PRR15L: variants seen among roughly 807,000 people sequenced by gnomAD.
The protein encoded by PRR15L is proline rich 15 like, also known as proline-rich protein 15-like protein.
Under a neutral mutation model 3.7 loss-of-function variants are expected in PRR15L, and 1 was observed. That is an observed-to-expected ratio of 0.27 (90% CI 0.09 to 1.27). The LOEUF (loss-of-function observed/expected upper bound fraction) is 1.27, where lower values mean the gene tolerates loss of function less well. Ranked by LOEUF, PRR15L falls within the 50% of genes most tolerant of loss-of-function variation. PRR15L has a pLI of 0.47. For synonymous variants in PRR15L, 57 were observed against 51.9 expected (o/e 1.10, Z -0.42); for missense variants, 127 against 128.7 (o/e 0.99, Z 0.06).
chr17:47,957,504 C>T (rs2036142838), intron 1 of PRR15L, among the ~76,000 whole-genome samples, 153 bp downstream of exon 1: 1 of 152,214 alleles, frequency 6.6e-6, no homozygotes, highest in Non-Finnish European at 1.5e-5. Context: ...TGGATTGACT[C>T]CAAGAGGCCA....
rs965942436 is a variant in PRR15L at position 47,952,903 on chromosome 17, C to A, written c.*20G>T. On this transcript the variant is annotated 3_prime_UTR_variant, in exon 2 of 2. Transcript: ENST00000300557. ...GCTGATGGCAGGGAGCCAAGAGGTG[C>A]TAGCACCCTCCTCAGCCCTTCACTT... is the stretch of plus-strand genomic sequence containing the variant. The A allele has an allele frequency of 1.3e-6, 2 of 1,599,906 alleles. No individual in the cohort carries two copies. Among genetic ancestry groups the A allele is most frequent in the South Asian group, 1.1e-5 (1 of 88,934 alleles).
chr17:47,957,440 C>T (rs941421864), intron 1 of PRR15L, among the ~76,000 whole-genome samples: 1 of 152,190 alleles, frequency 6.6e-6, no homozygotes, highest in Non-Finnish European at 1.5e-5. Flanking sequence ...AGGGTGGGCT[C>T]CAGTTCAGCA....
chr17:47,957,090 G>A (rs1006153302), intron 1 of PRR15L, among the ~76,000 whole-genome samples: 51 of 152,256 alleles, frequency 3.3e-4, no homozygotes, highest in Admixed American at 2.9e-3. Flanking sequence ...GGTGGCCAGC[G>A]CTATAGCATG....
chr17:47,956,223 G>A (rs1450899589), intron 1 of PRR15L, among the ~76,000 whole-genome samples: 1 of 152,224 alleles, frequency 6.6e-6, no homozygotes, highest in Non-Finnish European at 1.5e-5. Context: ...AGCACTTTGG[G>A]AGGCTGAGGC....
At chr17:47,955,054 C>T (rs990710883) in intron 1 of PRR15L, among the ~76,000 whole-genome samples, 5 of 151,978 alleles carry the variant, frequency 3.3e-5, no homozygotes, top group African/African-American at 4.8e-5. Context: ...TTCAGCCTCC[C>T]GAGGAGCTGG....
chr17:47,955,846 G>A (rs1211392194), intron 1 of PRR15L, among the ~76,000 whole-genome samples: 1 of 152,186 alleles, frequency 6.6e-6, no homozygotes, highest in Non-Finnish European at 1.5e-5. Flanking sequence ...CCCCACCACT[G>A]CCCATTTGGG....
At chr17:47,953,294 G>A (rs1408777003) in intron 1 of PRR15L, 31 bp from the exon 2 acceptor site, 3 of 1,395,544 alleles carry the variant, frequency 2.1e-6, no homozygotes, top group Non-Finnish European at 2.9e-6. Context: ...AGACAAAGGG[G>A]TCAGTGGGAA....
chr17:47,953,155 G>C lies in PRR15L; in HGVS notation c.80C>G (p.Pro27Arg). Residue 27 changes from proline to arginine, a missense_variant, in exon 2 of 2, where the codon CCT becomes CGT. Pro to Arg is a moderately radical substitution (Grantham distance 103). Coordinates refer to ENST00000300557, the MANE Select transcript of PRR15L (RefSeq NM_024320.4). ...TCCCTCTGTTTGGGCATAGGTGTCA[G>C]GGATCTCATACAGCACTTTGGGAGT... is the stretch of plus-strand genomic sequence containing the variant. ...KSTPKVLYEI[P>R]DTYAQTEGDA... is the part of the protein sequence containing the mutation. 2.5e-6 allele frequency: 4 copies of C among 1,613,876 alleles called. No individual in the cohort carries two copies. Among genetic ancestry groups the C allele is most frequent in the Non-Finnish European group, 3.4e-6 (4 of 1,179,896 alleles).
At position 47,952,923 on chromosome 17, in the gene PRR15L, T is replaced by G; in HGVS notation, c.312A>C (p.Ter104CysextTer18). Residue 104 changes from the stop codon to cysteine, a stop_lost, in exon 2 of 2, where the codon TGA (stop) becomes TGC (cysteine). Transcript: ENST00000300557. ...AGGTGCTAGCACCCTCCTCAGCCCT[T>G]CACTTTGATGACCGTCCTTCCTCGT... The part of the protein sequence containing the change: ...DDHEEGRSSK[*>C] 1.2e-6 allele frequency: 2 copies of G among 1,611,806 alleles called. No homozygotes were observed. The highest frequency in any genetic ancestry group is 1.7e-6 in the Non-Finnish European group (2 of 1,178,744).
intron 1 of PRR15L, among the ~76,000 whole-genome samples, chr17:47,954,962 G>A (rs1463947460): frequency 4.1e-5 from 2 of 49,056 alleles, no homozygotes; most frequent in South Asian, 2.4e-3. Context: ...ACAGAGTCTT[G>A]CTTATTGCCC....
Position 47,952,840 on chromosome 17 carries a change from CA to C in PRR15L, c.*82del. The stretch of plus-strand genomic sequence containing the variant: ...CTGGCCCCACAGCTTCAGCTATGGC[CA>C]AAGAGGCCAGCGTGGCAAGGTCCTG... On this transcript the variant is annotated 3_prime_UTR_variant, in exon 2 of 2. Transcript: ENST00000300557. The C allele has an allele frequency of 7.1e-7, 1 of 1,412,020 alleles. No homozygotes were observed. Among genetic ancestry groups the C allele is most frequent in the Non-Finnish European group, 9.5e-7 (1 of 1,048,952 alleles). 87.5% of individuals were successfully genotyped at this position (1,412,020 alleles called of 1,614,324 possible).
At chr17:47,955,058 G>T (rs371944441) in intron 1 of PRR15L, among the ~76,000 whole-genome samples, 3 of 151,806 alleles carry the variant, frequency 2.0e-5, no homozygotes, top group East Asian at 3.9e-4. Flanking sequence ...GCCTCCCGAG[G>T]AGCTGGGATT....
At position 47,953,062 on chromosome 17, in the gene PRR15L, A is replaced by G. The variant is rs576906116; in HGVS notation, c.173T>C (p.Ile58Thr). Reference protein sequence around the residue: ...NSDFNTRLEKIVDKSTKGKHV... With the variant: ...NSDFNTRLEKTVDKSTKGKHV... Reference sequence around the variant, plus strand: ...CTTGCCCTTTGTGCTCTTGTCCACAATCTTCTCCAGGCGGGTGTTAAAGTC... The same window carrying G: ...CTTGCCCTTTGTGCTCTTGTCCACAGTCTTCTCCAGGCGGGTGTTAAAGTC... Residue 58 changes from isoleucine to threonine, a missense_variant, in exon 2 of 2, where the codon ATT (isoleucine) becomes ACT (threonine). Coordinates refer to ENST00000300557, the MANE Select transcript of PRR15L (RefSeq NM_024320.4). The G allele has an allele frequency of 5.6e-6, 9 of 1,613,996 alleles. No homozygotes were observed. The highest frequency in any genetic ancestry group is 2.7e-5 in the African/African-American group (2 of 74,958).
chr17:47,953,354 G>T, intron 1 of PRR15L, 91 bp from the exon 2 acceptor site: 2 of 767,318 alleles, frequency 2.6e-6, no homozygotes, highest in Non-Finnish European at 4.2e-6. Context: ...CTAATCATGG[G>T]CTGTTTTAAG....
Position 47,953,189 on chromosome 17 carries a change from T to G in PRR15L, c.46A>C (p.Lys16Gln). 6.3e-7 allele frequency: 1 copy of G among 1,599,274 alleles called. No individual in the cohort carries two copies. ...GWWKLTFLRK[K>Q]KSTPKVLYEI... is the part of the protein sequence containing the mutation. ...TACAGCACTTTGGGAGTGGATTTCT[T>G]TTTCCGGAGGAAAGTCAGCTTCCAC... Residue 16 changes from lysine (K) to glutamine (Q), a missense_variant, in exon 2 of 2, where the codon AAG becomes CAG. Coordinates refer to ENST00000300557, the MANE Select transcript of PRR15L (RefSeq NM_024320.4).
chr17:47,956,616 G>A (rs4793733), intron 1 of PRR15L, among the ~76,000 whole-genome samples: 41,705 of 152,148 alleles, frequency 0.27, 6,395 homozygotes, highest in Admixed American at 0.4. Flanking sequence ...TTTGCAAAAT[G>A]GAAAAATTAG....
At position 47,953,063 on chromosome 17, in the gene PRR15L, T is replaced by C; in HGVS notation, c.172A>G (p.Ile58Val). The C allele has an allele frequency of 6.2e-7, 1 of 1,614,176 alleles. No homozygotes were observed. Among genetic ancestry groups the C allele is most frequent in the Non-Finnish European group, 8.5e-7 (1 of 1,180,034 alleles). Residue 58 changes from isoleucine (I) to valine (V), a missense_variant, in exon 2 of 2, where the codon ATT becomes GTT. Transcript: ENST00000300557. ...NSDFNTRLEK[I>V]VDKSTKGKHV... is the part of the protein sequence containing the mutation. The stretch of plus-strand genomic sequence containing the variant: ...TTGCCCTTTGTGCTCTTGTCCACAA[T>C]CTTCTCCAGGCGGGTGTTAAAGTCG...
intron 1 of PRR15L, among the ~76,000 whole-genome samples, chr17:47,955,507 T>C (rs1191486935): frequency 1.3e-5 from 2 of 151,866 alleles, no homozygotes; most frequent in African/African-American, 4.8e-5. Context: ...GCTCCCACAT[T>C]GCCAGCTCTG....
In PRR15L at chr17:47,952,716, G is replaced by C. The variant is rs1012575137; in HGVS notation, c.*207C>G. The C allele has an allele frequency of 1.3e-5, 7 of 523,532 alleles. No homozygotes were observed. Among genetic ancestry groups the C allele is most frequent in the African/African-American group, 3.8e-5 (2 of 52,886 alleles). The allele number at this position is 523,532 out of a possible 1,614,324, so 32.4% of individuals were successfully genotyped here. A position where few individuals can be genotyped will look rare whatever the true frequency, so the allele number is the denominator to read the frequency against. ...CTAGAGTGCCTTTGTATGTGGTCAG[G>C]GGGAGGGTGGAGGACCCTGGGATCT... On this transcript the variant is annotated 3_prime_UTR_variant, in exon 2 of 2. Coordinates refer to ENST00000300557, the MANE Select transcript of PRR15L (RefSeq NM_024320.4).
Sources: allele counts gnomAD v4.1 joint callset (sites outside exome capture counted in the v4.1 genomes callset), GRCh38; gene constraint gnomAD v4.1.1; transcripts MANE v1.5; gene names NCBI Gene and HGNC (gene_info 2026-07-23, HGNC 2026-07-21).